Variants in FRMD4A observed in about 807,000 individuals in gnomAD.
The protein encoded by FRMD4A is FERM domain containing 4A.
FRMD4A carries 29 observed loss-of-function variants against 129.1 expected under a neutral mutation model. The ratio of observed to expected loss-of-function variants is 0.22; its 90% CI spans 0.17 to 0.31. FRMD4A has a LOEUF of 0.31. Ranked by LOEUF, FRMD4A falls within the 10% of genes least tolerant of loss-of-function variation. The probability of loss-of-function intolerance (pLI) is 1.00; values close to 1 mark genes in which losing one functional copy is unlikely to be tolerated. For synonymous variants in FRMD4A, 634 were observed against 571.6 expected (o/e 1.11, Z -1.56); for missense variants, 1,272 against 1,375.8 (o/e 0.92, Z 1.19).
chr10:14,120,089 GC>G (rs1838417012), intron 2 of FRMD4A, among the ~76,000 whole-genome samples: 1 of 151,612 alleles, frequency 6.6e-6, no homozygotes, highest in African/African-American at 2.4e-5. Context: ...GCCAGGATGG[GC>G]CTGACAATGG....
chr10:14,172,757 T>C (rs1360552474), intron 2 of FRMD4A, among the ~76,000 whole-genome samples: 4 of 152,220 alleles, frequency 2.6e-5, no homozygotes, highest in Admixed American at 2.6e-4. Context: ...TGAAGTGTAC[T>C]GCCTGTAAGC....
intron 2 of FRMD4A, among the ~76,000 whole-genome samples, chr10:13,999,408 G>T (rs1331657394): frequency 3.3e-5 from 5 of 152,156 alleles, no homozygotes; most frequent in South Asian, 2.1e-4. Context: ...CATTCCCAGG[G>T]ATATCTGTAT....
chr10:14,019,727 T>A (rs1832646735), intron 2 of FRMD4A, among the ~76,000 whole-genome samples: 1 of 152,232 alleles, frequency 6.6e-6, no homozygotes, highest in Non-Finnish European at 1.5e-5. Context: ...TGGACAGTGA[T>A]GGGGCTGATG....
intron 21 of FRMD4A, 42 bp from the exon 22 acceptor site, chr10:13,657,564 G>A (rs1589231988): frequency 1.3e-6 from 2 of 1,505,198 alleles, no homozygotes; most frequent in South Asian, 2.6e-5. Context: ...GTGGGGAGTG[G>A]GCCCAAGGAG....
chr10:13,949,311 A>AG (rs2095355973), intron 2 of FRMD4A, among the ~76,000 whole-genome samples: 1 of 151,376 alleles, frequency 6.6e-6, no homozygotes, highest in Non-Finnish European at 1.5e-5. Context: ...CAAAAAAAAA[A>AG]AAAAAAAGAA....
chr10:13,990,384 C>T (rs2095599108), intron 2 of FRMD4A, among the ~76,000 whole-genome samples: 1 of 152,170 alleles, frequency 6.6e-6, no homozygotes, highest in Non-Finnish European at 1.5e-5. Flanking sequence ...ACTGAGAAGG[C>T]CCAGAGACGT....
chr10:13,983,515 AG>A (rs1339718024), intron 2 of FRMD4A, among the ~76,000 whole-genome samples: 1 of 152,154 alleles, frequency 6.6e-6, no homozygotes, highest in Non-Finnish European at 1.5e-5. Flanking sequence ...ATTTTTTTCC[AG>A]AAAAATGTTT....
Position 13,810,921 on chromosome 10 carries a change from T to C in FRMD4A, c.112-13A>G. The C allele has an allele frequency of 1.4e-6, 2 of 1,433,658 alleles. No individual in the cohort carries two copies. The highest frequency in any genetic ancestry group is 2.0e-6 in the Non-Finnish European group (2 of 1,018,458). 88.8% of individuals were successfully genotyped at this position (1,433,658 alleles called of 1,614,324 possible). A position where few individuals can be genotyped will look rare whatever the true frequency, so the allele number is the denominator to read the frequency against. The stretch of plus-strand genomic sequence containing the variant: ...CCAACAGCTTGGGCTGCAAGAAGAA[T>C]ACAATGGAAGAAGGGTAAGTGATGA... On this transcript the variant is annotated splice_polypyrimidine_tract_variant and intron_variant, in intron 3 of 24. Transcript: ENST00000357447.
chr10:13,733,693 C>T (rs963993122), intron 12 of FRMD4A, among the ~76,000 whole-genome samples: 7 of 152,364 alleles, frequency 4.6e-5, no homozygotes, highest in African/African-American at 7.2e-5. Flanking sequence ...TCCCAAAGTG[C>T]TGGGATTACA....
At chr10:14,223,091 C>A (rs1201234219) in intron 2 of FRMD4A, among the ~76,000 whole-genome samples, 1 of 152,028 alleles carries the variant, frequency 6.6e-6, no homozygotes, top group Non-Finnish European at 1.5e-5. Context: ...GATTCTGTCT[C>A]AAAAACAACA....
At chr10:13,741,791 TG>T (rs143627701) in intron 9 of FRMD4A, among the ~76,000 whole-genome samples, 2,063 of 152,306 alleles carry the variant, frequency 0.014, 80 homozygotes, top group South Asian at 0.12. Flanking sequence ...TAGGAATGCT[TG>T]GAGAACAACA....
chr10:13,894,678 G>A (rs2094738153), intron 2 of FRMD4A, among the ~76,000 whole-genome samples: 1 of 152,206 alleles, frequency 6.6e-6, no homozygotes, highest in South Asian at 2.1e-4. Flanking sequence ...CCCACTCTTT[G>A]GGTAGCTGGC....
intron 2 of FRMD4A, among the ~76,000 whole-genome samples, chr10:13,939,469 T>G (rs1400077151): frequency 6.6e-6 from 1 of 152,220 alleles, no homozygotes; most frequent in East Asian, 1.9e-4. Flanking sequence ...GGGATTTATT[T>G]GTAATATAAA....
At chr10:13,651,209 A>AGTGATAAAAATGTTG (rs2081549974) in intron 24 of FRMD4A, 1 of 152,240 alleles carries the variant, frequency 6.6e-6, no homozygotes, top group Non-Finnish European at 1.5e-5. Context: ...TGATGGTGGT[A>AGTGATAAAAATGTTG]GTGATAAAAA....
chr10:14,063,522 T>C (rs947793533), intron 2 of FRMD4A, among the ~76,000 whole-genome samples: 2 of 150,786 alleles, frequency 1.3e-5, no homozygotes, highest in African/African-American at 4.9e-5. Context: ...GAAAGTGTGA[T>C]AAAAACCTGA....
At chr10:13,865,129 C>A (rs985348970) in intron 2 of FRMD4A, among the ~76,000 whole-genome samples, 1 of 152,078 alleles carries the variant, frequency 6.6e-6, no homozygotes, top group African/African-American at 2.4e-5. Context: ...AGGAGTGATC[C>A]AACATGACCA....
At chr10:13,840,905 C>T (rs531968314) in intron 3 of FRMD4A, among the ~76,000 whole-genome samples, 23 of 151,724 alleles carry the variant, frequency 1.5e-4, no homozygotes, top group Middle Eastern at 3.4e-3. Context: ...GCCAGGAGTT[C>T]GACACCAGCC....
chr10:13,673,979 G>A (rs1564577212), intron 16 of FRMD4A, among the ~76,000 whole-genome samples: 1 of 151,744 alleles, frequency 6.6e-6, no homozygotes, highest in Non-Finnish European at 1.5e-5. Context: ...TGTTGCTCAG[G>A]CTAGTCTCCA....
chr10:14,243,941 C>A (rs1444656007), intron 2 of FRMD4A, among the ~76,000 whole-genome samples: 9 of 151,884 alleles, frequency 5.9e-5, no homozygotes, highest in African/African-American at 9.7e-5. Context: ...AAGTGATCAT[C>A]AGTATCTTCT....
Sources: gnomAD v4.1 joint callset for allele counts (sites outside exome capture counted in the v4.1 genomes callset) on GRCh38, gnomAD v4.1.1 for gene constraint, MANE v1.5 for transcripts, NCBI Gene and HGNC (gene_info 2026-07-23, HGNC 2026-07-21) for gene names.